The following NFAT5 variants were observed in gnomAD, a reference collection of about 807,000 sequenced individuals.
NFAT5 encodes nuclear factor of activated T cells 5, also known as nuclear factor of activated T-cells 5.
In NFAT5, 31 loss-of-function variants were observed where a neutral mutation model predicts 166.5. That is an observed-to-expected ratio of 0.19 (90% CI 0.14 to 0.25). The LOEUF (loss-of-function observed/expected upper bound fraction) is 0.25. NFAT5 is among the 10% of genes least tolerant of loss of function. NFAT5 has a pLI of 1.00. For missense variants in NFAT5, 1,449 were observed against 1,821.8 expected (o/e 0.80, Z 3.72); for synonymous variants, 612 against 639.7 (o/e 0.96, Z 0.65).
At chr16:69,568,599 C>T (rs1038207264) in intron 2 of NFAT5, 51 bp downstream of exon 2, 5 of 1,456,008 alleles carry the variant, frequency 3.4e-6, no homozygotes, top group Non-Finnish European at 4.7e-6. Flanking sequence ...CAAAGGCTTT[C>T]TCTGAAATGG....
chr16:69,580,880 CT>C (rs1194672392), intron 2 of NFAT5, among the ~76,000 whole-genome samples: 1 of 152,022 alleles, frequency 6.6e-6, no homozygotes, highest in Non-Finnish European at 1.5e-5. Flanking sequence ...TGGTCTCGAT[CT>C]CCTGAACTCT....
At chr16:69,667,242 C>T (rs1319275417) in intron 7 of NFAT5, among the ~76,000 whole-genome samples, 2 of 151,162 alleles carry the variant, frequency 1.3e-5, no homozygotes, top group Non-Finnish European at 2.9e-5. Context: ...TTAGTGGGTG[C>T]AGCACACCAG....
chr16:69,659,717 T>C lies in NFAT5; in HGVS notation c.1197-10T>C. On this transcript the variant is annotated splice_polypyrimidine_tract_variant and intron_variant, in intron 6 of 14. Coordinates refer to ENST00000349945, the MANE Select transcript of NFAT5 (RefSeq NM_138713.4). ...AAAATGTCCCTTTATATATTTTTTT[T>C]CTGTATTAGGGTGGACTGCGTAGGG... 2 of 1,526,012 alleles carry C rather than the reference T, an allele frequency of 1.3e-6. No homozygotes were observed. The highest frequency in any genetic ancestry group is 1.8e-6 in the Non-Finnish European group (2 of 1,134,074). 94.5% of individuals were successfully genotyped at this position (1,526,012 alleles called of 1,614,324 possible). A position where few individuals can be genotyped will look rare whatever the true frequency, so the allele number is the denominator to read the frequency against.
intron 2 of NFAT5, among the ~76,000 whole-genome samples, chr16:69,613,599 C>T (rs2033804068): frequency 6.6e-6 from 1 of 152,158 alleles, no homozygotes; most frequent in East Asian, 1.9e-4. Flanking sequence ...TTTCTCCTTC[C>T]TTTTCCCCAG....
chr16:69,685,006 G>A (rs757209060), intron 11 of NFAT5, 36 bp downstream of exon 11: 2 of 1,466,570 alleles, frequency 1.4e-6, no homozygotes, highest in Admixed American at 1.7e-5. Context: ...TCGTAATTGG[G>A]TGCTCCTGTA....
At chr16:69,576,129 C>G (rs1029240510) in intron 2 of NFAT5, among the ~76,000 whole-genome samples, 1 of 151,322 alleles carries the variant, frequency 6.6e-6, no homozygotes, top group Non-Finnish European at 1.5e-5. Context: ...GGTGAAACCC[C>G]GTCTCTACTA....
Position 69,647,382 on chromosome 16 carries a change from A to G in NFAT5, c.608A>G (p.Asn203Ser), listed in dbSNP as rs762456520. The G allele has an allele frequency of 1.2e-6, 2 of 1,614,208 alleles. No homozygotes were observed. The highest frequency in any genetic ancestry group is 4.5e-5 in the East Asian group (2 of 44,884). The change falls in exon 4 of 15, where the codon AAC becomes AGC. Residue 203 changes from asparagine (N) to serine (S), a missense_variant. Around this residue, in one of 7 missense-constraint regions of NFAT5, gnomAD observed 115 missense variants for 177.1 expected, o/e 0.65. Coordinates refer to ENST00000349945, the MANE Select transcript of NFAT5 (RefSeq NM_138713.4). The surrounding 1 kb of genome is among the most constrained non-coding windows in gnomAD (Gnocchi z 4.8). Reference protein sequence around the residue: ...WMEDSPSNFSNMSTSSYNDNT... With the variant: ...WMEDSPSNFSSMSTSSYNDNT... ...GAGGATTCCCCCTCCAACTTCAGTA[A>G]CATGAGCACCAGTTCCTACAATGAT... is the stretch of plus-strand genomic sequence containing the variant.
At chr16:69,668,621 A>C (rs2036498664) in intron 7 of NFAT5, among the ~76,000 whole-genome samples, 1 of 152,178 alleles carries the variant, frequency 6.6e-6, no homozygotes, top group African/African-American at 2.4e-5. Context: ...ACCTTTGTAA[A>C]TAATCTTTGT....
intron 2 of NFAT5, among the ~76,000 whole-genome samples, chr16:69,580,380 A>C (rs1328768532): frequency 2.0e-5 from 3 of 151,808 alleles, no homozygotes; most frequent in Non-Finnish European, 4.4e-5. Context: ...AATACAAAAA[A>C]ATTAGCCAGG....
chr16:69,643,576 T>G (rs145728381), intron 3 of NFAT5, among the ~76,000 whole-genome samples: 1,839 of 152,258 alleles, frequency 0.012, 20 homozygotes, highest in Non-Finnish European at 0.019. Context: ...CTTAGTATTT[T>G]CTCTGTATCA....
At chr16:69,666,927 G>T in intron 7 of NFAT5, among the ~76,000 whole-genome samples, 1 of 151,900 alleles carries the variant, frequency 6.6e-6, no homozygotes, top group African/African-American at 2.4e-5. Flanking sequence ...CAACCCAGAT[G>T]TCCAACAATG....
intron 2 of NFAT5, among the ~76,000 whole-genome samples, chr16:69,601,102 TACAC>T (rs1267138436): frequency 1.3e-5 from 2 of 152,008 alleles, no homozygotes; most frequent in Admixed American, 6.6e-5. Flanking sequence ...CACACACACA[TACAC>T]ACACACCCTT....
At chr16:69,662,553 G>A (rs1597495439) in intron 7 of NFAT5, among the ~76,000 whole-genome samples, 2 of 145,240 alleles carry the variant, frequency 1.4e-5, no homozygotes, top group South Asian at 2.2e-4. Context: ...TCCACCTCCC[G>A]GGTTCCCGCC....
intron 2 of NFAT5, among the ~76,000 whole-genome samples, chr16:69,613,580 C>A (rs2033803110): frequency 6.6e-6 from 1 of 152,128 alleles, no homozygotes. Context: ...TTCAGGTTTG[C>A]TTTTATAGTT....
chr16:69,694,516 A>G (rs1012555643), intron 13 of NFAT5, among the ~76,000 whole-genome samples: 2 of 152,148 alleles, frequency 1.3e-5, no homozygotes, highest in African/African-American at 2.4e-5. Flanking sequence ...CGGCCTCCCA[A>G]AGTGCTGGGA....
intron 2 of NFAT5, among the ~76,000 whole-genome samples, chr16:69,592,047 T>G (rs72801321): frequency 0.056 from 8,542 of 151,664 alleles, 270 homozygotes; most frequent in Middle Eastern, 0.11. Flanking sequence ...CTCCTACCAA[T>G]AATTCTTAAA....
chr16:69,575,428 A>G (rs898782639), intron 2 of NFAT5, among the ~76,000 whole-genome samples: 1 of 152,106 alleles, frequency 6.6e-6, no homozygotes, highest in Non-Finnish European at 1.5e-5. Context: ...TCAGCCTCCC[A>G]AAGTGCTGGG....
Position 69,695,358 on chromosome 16 carries a change from C to T in NFAT5, c.4637C>T (p.Thr1546Ile). The T allele has an allele frequency of 6.2e-7, 1 of 1,613,550 alleles. No homozygotes were observed. The highest frequency in any genetic ancestry group is 8.5e-7 in the Non-Finnish European group (1 of 1,179,440). ...VSLQNQGNNLTGSF is the reference protein window; with the variant it reads ...VSLQNQGNNLIGSF ...TTGCAAAACCAAGGGAACAACTTGA[C>T]TGGCTCCTTTTAACTGGATATGTAA... The change falls in exon 14 of 15, where the codon ACT (threonine) becomes ATT (isoleucine). Residue 1546 changes from threonine to isoleucine, a missense_variant. This residue lies in a region of NFAT5 where 891 missense variants were observed against 993.0 expected (regional missense o/e 0.90). Coordinates refer to ENST00000349945, the MANE Select transcript of NFAT5 (RefSeq NM_138713.4).
At chr16:69,596,414 G>A (rs921012065) in intron 2 of NFAT5, among the ~76,000 whole-genome samples, 1 of 152,054 alleles carries the variant, frequency 6.6e-6, no homozygotes, top group African/African-American at 2.4e-5. Flanking sequence ...CATTAGAAGA[G>A]CTAGTCTTAA....
Sources: gnomAD v4.1 joint callset for allele counts (sites outside exome capture counted in the v4.1 genomes callset) on GRCh38, gnomAD v4.1.1 for gene constraint, gnomAD v4.1.1 regional missense constraint, Gnocchi (gnomAD v3.1) non-coding constraint, MANE v1.5 for transcripts, NCBI Gene and HGNC (gene_info 2026-07-23, HGNC 2026-07-21) for gene names.